RB1CC1: variants seen among roughly 807,000 people sequenced by gnomAD.
RB1CC1 encodes the protein RB1 inducible coiled-coil 1, also known as RB1-inducible coiled-coil protein 1.
In RB1CC1, 46 loss-of-function variants were observed where a neutral mutation model predicts 177.5. That is an observed-to-expected ratio of 0.26 (90% CI 0.20 to 0.33). The LOEUF (loss-of-function observed/expected upper bound fraction) is 0.33. Ranked by LOEUF, RB1CC1 falls within the 10% of genes least tolerant of loss-of-function variation. The pLI, the probability that RB1CC1 is intolerant of heterozygous loss-of-function variation, is 1.00. For synonymous variants in RB1CC1, 666 were observed against 613.6 expected (o/e 1.09, Z -1.26); for missense variants, 1,703 against 1,816.3 (o/e 0.94, Z 1.13).
At position 52,623,500 on chromosome 8, in the gene RB1CC1, T is replaced by C. The variant is rs1303774920; in HGVS notation, c.*282A>G. Reference sequence around the variant, plus strand: ...ATCATAAGCCACAATGCACAAGGTATGCCCTTTGAGAAAATGAAGTAGTTT... The same window carrying C: ...ATCATAAGCCACAATGCACAAGGTACGCCCTTTGAGAAAATGAAGTAGTTT... On this transcript the variant is annotated 3_prime_UTR_variant, in exon 24 of 24. Coordinates refer to ENST00000025008, the MANE Select transcript of RB1CC1 (RefSeq NM_014781.5). 6 of 414,082 alleles carry C rather than the reference T, an allele frequency of 1.4e-5. No individual in the cohort carries two copies. The East Asian group carries it at 2.3e-4, about 16-fold the overall frequency. The allele number at this position is 414,082 out of a possible 1,614,324, so 25.7% of individuals were successfully genotyped here.
At chr8:52,662,555 T>C (rs753266421) in intron 8 of RB1CC1, among the ~76,000 whole-genome samples, 7 of 152,084 alleles carry the variant, frequency 4.6e-5, no homozygotes, top group Non-Finnish European at 1.0e-4. Flanking sequence ...TGTAATAATG[T>C]TGTAGGTTTT....
In RB1CC1 at chr8:52,673,972, G is replaced by A; in HGVS notation, c.875C>T (p.Thr292Ile). The A allele has an allele frequency of 6.2e-7, 1 of 1,614,136 alleles. No individual in the cohort carries two copies. The stretch of plus-strand genomic sequence containing the variant: ...ATCACCATCTTTAGTGTCAATCGTA[G>A]TTTCATCTTGCTGATGAACAGTACT... ...CQSTVHQQDE[T>I]TIDTKDGDLP... is the part of the protein sequence containing the mutation. Residue 292 changes from threonine (T) to isoleucine (I), a missense_variant, in exon 7 of 24, where the codon ACT (threonine) becomes ATT (isoleucine). Around this residue, in one of 6 missense-constraint regions of RB1CC1, gnomAD observed 315 missense variants for 304.9 expected, o/e 1.03. Coordinates refer to ENST00000025008, the MANE Select transcript of RB1CC1 (RefSeq NM_014781.5).
intron 1 of RB1CC1, among the ~76,000 whole-genome samples, chr8:52,692,619 A>G (rs906068029): frequency 1.3e-5 from 2 of 152,184 alleles, no homozygotes; most frequent in Admixed American, 1.3e-4. Context: ...CCATAGCTGG[A>G]TCACGGGGGA....
intron 8 of RB1CC1, among the ~76,000 whole-genome samples, chr8:52,667,670 C>T (rs947880496): frequency 3.9e-5 from 6 of 152,264 alleles, no homozygotes; most frequent in African/African-American, 1.4e-4. Flanking sequence ...TTCAAGATTT[C>T]GTATTCTCCT....
Position 52,661,112 on chromosome 8 carries a change from T to C in RB1CC1, c.1528A>G (p.Ile510Val), listed in dbSNP as rs974875141. ...TTGCATACCTCCCTGTAGTGTTTTA[T>C]GAACATTTTTCTTCTTACAACCTCA... ...VVEVVRRKMF[I>V]KHYREWAGAL... Residue 510 changes from isoleucine (I) to valine (V), a missense_variant, in exon 10 of 24, where the codon ATA becomes GTA. Coordinates refer to ENST00000025008, the MANE Select transcript of RB1CC1 (RefSeq NM_014781.5). 5.6e-6 allele frequency: 9 copies of C among 1,613,230 alleles called. No homozygotes were observed. The highest frequency in any genetic ancestry group is 4.4e-5 in the South Asian group (4 of 91,006).
rs967308079 is a variant in RB1CC1, at chr8:52,688,876, G to A, written c.-166-1909C>T. Among the ~76,000 whole-genome samples, 6 of 152,050 alleles carry A rather than the reference G, an allele frequency of 3.9e-5. No individual in the cohort carries two copies. The East Asian group carries it at 7.7e-4, about 20-fold the overall frequency. On this transcript the variant is annotated intron_variant, in intron 1 of 23. Coordinates refer to ENST00000025008, the MANE Select transcript of RB1CC1 (RefSeq NM_014781.5). ...TACTGTCTCTCTTTATTTCTCAGCC[G>A]GCCGACACTAATGGAAAATAGAACC...
At chr8:52,701,045 T>C (rs1306027582) in intron 1 of RB1CC1, among the ~76,000 whole-genome samples, 1 of 152,198 alleles carries the variant, frequency 6.6e-6, no homozygotes, top group African/African-American at 2.4e-5. Flanking sequence ...AAGCCAGTTG[T>C]TTAGGGAAAC....
intron 13 of RB1CC1, among the ~76,000 whole-genome samples, chr8:52,658,453 T>C (rs1356891519): frequency 7.9e-5 from 12 of 151,906 alleles, no homozygotes; most frequent in South Asian, 2.1e-4. Context: ...GGTGGGCTCC[T>C]GTAATCCCAG....
Position 52,651,134 on chromosome 8 carries a change from G to A in RB1CC1, c.3821+4874C>T, listed in dbSNP as rs1850536074. Among the ~76,000 whole-genome samples the A allele has an allele frequency of 2.6e-5, 4 of 152,220 alleles. No individual in the cohort carries two copies. In the South Asian group the frequency reaches 6.2e-4, roughly 24 times the overall value. ...ATAGATCTAATGACAGTTACAAGAG[G>A]AGGGACAATGTGGAGTGAGGCCAAA... On this transcript the variant is annotated intron_variant, in intron 15 of 23. Transcript: ENST00000025008.
intron 15 of RB1CC1, among the ~76,000 whole-genome samples, chr8:52,646,320 C>CA (rs1052027482): frequency 3.4e-4 from 51 of 150,118 alleles, no homozygotes; most frequent in East Asian, 2.2e-3. Context: ...AAACAAACAA[C>CA]AAAAAAAAAC....
chr8:52,656,172 C>T lies in RB1CC1; in HGVS notation c.3657G>A (p.Leu1219=), dbSNP rs1563384738. The change falls in exon 15 of 24, where the codon TTG becomes TTA. Residue 1219 remains leucine, a synonymous_variant. Transcript: ENST00000025008. ...CTCTGTCTTGCTCCTGGCTGCTGAC[C>T]AATTTTTGTCTGTCTTTCTCAAGGT... ...IQNLEKDRQK[L]VSSQEQDREQ... 1 of 1,613,674 alleles carries T rather than the reference C, an allele frequency of 6.2e-7. No homozygotes were observed.
intron 20 of RB1CC1, 54 bp downstream of exon 20, chr8:52,634,866 TA>T: frequency 1.4e-6 from 2 of 1,384,578 alleles, no homozygotes; most frequent in African/African-American, 1.4e-5. Flanking sequence ...TAATGAAATA[TA>T]ATGCAAATCA....
Position 52,697,053 on chromosome 8 carries a change from T to C in RB1CC1, c.-166-10086A>G, listed in dbSNP as rs746970188. Among the ~76,000 whole-genome samples the C allele has an allele frequency of 8.2e-4, 125 of 152,130 alleles. 2 individuals carry two copies. The highest frequency in any genetic ancestry group is 1.6e-4 in the Non-Finnish European group (11 of 68,016). On this transcript the variant is annotated intron_variant, in intron 1 of 23. Transcript: ENST00000025008. Reference sequence around the variant, plus strand: ...AGATACGTATTTCAGTCCATTTATATGGAAAACCTCCAGCTAATAGCGATT... The same window carrying C: ...AGATACGTATTTCAGTCCATTTATACGGAAAACCTCCAGCTAATAGCGATT...
rs1435547474 is a variant in RB1CC1 at position 52,684,036 on chromosome 8, A to T, written c.72-23T>A. ...ACACTTCAAAAAATGAAATAAAATAAATCAGTTGTTTATATTTGCCCAATG... is the reference window on the plus strand; with the variant it reads ...ACACTTCAAAAAATGAAATAAAATATATCAGTTGTTTATATTTGCCCAATG... On this transcript the variant is annotated intron_variant, in intron 3 of 23. Transcript: ENST00000025008. The T allele has an allele frequency of 4.4e-6, 7 of 1,602,770 alleles. No homozygotes were observed. The South Asian group carries it at 5.6e-5, about 13-fold the overall frequency.
In RB1CC1 at chr8:52,660,609, G is replaced by T; in HGVS notation, c.1676C>A (p.Pro559His). The change falls in exon 12 of 24, where the codon CCC becomes CAC. Residue 559 changes from proline (P) to histidine (H), a missense_variant. Transcript: ENST00000025008. ...NRLFRGLDSWPPSFCTQKPRK... is the reference protein window; with the variant it reads ...NRLFRGLDSWHPSFCTQKPRK... ...ATAAATACATACACAAAAGGAAGGG[G>T]GCCAGGAGTCCAGTCCCCTAAACAG... 1 of 1,588,342 alleles carries T rather than the reference G, an allele frequency of 6.3e-7. No individual in the cohort carries two copies. The highest frequency in any genetic ancestry group is 1.2e-5 in the South Asian group (1 of 85,114).
intron 1 of RB1CC1, among the ~76,000 whole-genome samples, chr8:52,706,209 GAGTT>G (rs1180227219): frequency 6.6e-6 from 1 of 151,092 alleles, no homozygotes; most frequent in Non-Finnish European, 1.5e-5. Flanking sequence ...TGCACCAAAA[GAGTT>G]AGTCCCACCA....
At chr8:52,651,800 C>T (rs932207384) in intron 15 of RB1CC1, among the ~76,000 whole-genome samples, 1 of 152,134 alleles carries the variant, frequency 6.6e-6, no homozygotes, top group Admixed American at 6.5e-5. Flanking sequence ...TTTGGAAGAT[C>T]TGCATTAACT....
At position 52,657,126 on chromosome 8, in the gene RB1CC1, G is replaced by A. The variant is rs1851151835; in HGVS notation, c.2703C>T (p.Cys901=). The A allele has an allele frequency of 1.9e-6, 3 of 1,610,778 alleles. No homozygotes were observed. The highest frequency in any genetic ancestry group is 1.3e-5 in the African/African-American group (1 of 74,752). The change falls in exon 15 of 24, where the codon TGC becomes TGT. Residue 901 remains cysteine (C), a synonymous_variant. Coordinates refer to ENST00000025008, the MANE Select transcript of RB1CC1 (RefSeq NM_014781.5). ...KIKKLKGELV[C]LEEVLQNKDN... is the part of the protein sequence containing the mutation. ...CTTTATTTTGTAAAACCTCCTCAAG[G>A]CATACTAACTCTCCCTTCAATTTTT...
At chr8:52,681,568 A>T (rs1227521869) in intron 5 of RB1CC1, among the ~76,000 whole-genome samples, 1 of 152,156 alleles carries the variant, frequency 6.6e-6, no homozygotes, top group Non-Finnish European at 1.5e-5. Context: ...TGTTTTGGTT[A>T]TAGCAGCTTT....
Sources: gnomAD v4.1 joint callset for allele counts (sites outside exome capture counted in the v4.1 genomes callset) on GRCh38, gnomAD v4.1.1 for gene constraint, gnomAD v4.1.1 regional missense constraint, MANE v1.5 for transcripts, NCBI Gene and HGNC (gene_info 2026-07-23, HGNC 2026-07-21) for gene names.